ACSL6: variants seen among roughly 807,000 people sequenced by gnomAD.
The protein encoded by ACSL6 is acyl-CoA synthetase long chain family member 6.
Under a neutral mutation model 98.2 loss-of-function variants are expected in ACSL6, and 47 were observed. The ratio of observed to expected loss-of-function variants is 0.48; its 90% confidence interval spans 0.38 to 0.61. The LOEUF (loss-of-function observed/expected upper bound fraction) is 0.61, where lower values mean the gene tolerates loss of function less well. ACSL6 is among the 20% of genes least tolerant of loss of function. The pLI, the probability that ACSL6 is intolerant of heterozygous loss-of-function variation, is 0.00. For missense variants in ACSL6, 761 were observed against 913.4 expected, an observed-to-expected ratio of 0.83 and a Z score of 2.15; for synonymous variants, 362 against 336.9, an observed-to-expected ratio of 1.07 and a Z score of -0.82.
intron 15 of ACSL6, among the ~76,000 whole-genome samples, chr5:131,968,654 C>G (rs1753149328): frequency 6.6e-6 from 1 of 152,150 alleles, no homozygotes; most frequent in African/African-American, 2.4e-5. Context: ...ACTCCAAATT[C>G]TCTTGGTCAA....
chr5:131,971,101 A>G (rs1753281872), intron 14 of ACSL6, among the ~76,000 whole-genome samples: 1 of 152,256 alleles, frequency 6.6e-6, no homozygotes, highest in South Asian at 2.1e-4. Flanking sequence ...TATGAGCTGA[A>G]TGGAAAATGA....
At chr5:131,959,230 G>A (rs924786087) in intron 20 of ACSL6, among the ~76,000 whole-genome samples, 9 of 152,214 alleles carry the variant, frequency 5.9e-5, no homozygotes, top group African/African-American at 2.2e-4. Flanking sequence ...TAGGACTGTC[G>A]TCTTCGGTAA....
Position 131,985,412 on chromosome 5 carries a change from G to C in ACSL6, c.911C>G (p.Thr304Arg). ...DLSIVCFTSG[T>R]TGNPKGAMLT... ...ATCTGCGTGCCTCTGCTTACCTGTCGTGCCGCTTGTGAAACACACAATGGA... is the reference window on the plus strand; with the variant it reads ...ATCTGCGTGCCTCTGCTTACCTGTCCTGCCGCTTGTGAAACACACAATGGA... Residue 304 changes from threonine to arginine, a missense_variant, in exon 9 of 21, where the codon ACG becomes AGG. Physicochemically the swap from Thr to Arg is moderately conservative, Grantham distance 71 (BLOSUM62 -1). Transcript: ENST00000651883. 1 of 1,614,052 alleles carries C rather than the reference G, an allele frequency of 6.2e-7. No individual in the cohort carries two copies. The highest frequency in any genetic ancestry group is 8.5e-7 in the Non-Finnish European group (1 of 1,180,022).
chr5:131,956,366 T>C (rs922739038), intron 20 of ACSL6, among the ~76,000 whole-genome samples: 3 of 152,200 alleles, frequency 2.0e-5, no homozygotes, highest in African/African-American at 2.4e-5. Context: ...GAGTGGGACA[T>C]CTGCAGCTCT....
intron 20 of ACSL6, among the ~76,000 whole-genome samples, chr5:131,957,002 T>C (rs534669107): frequency 6.6e-6 from 1 of 152,334 alleles, no homozygotes; most frequent in South Asian, 2.1e-4. Context: ...CATTTAAATA[T>C]GGCATTGGAA....
chr5:131,975,150 G>T, intron 10 of ACSL6, 180 bp from the exon 11 acceptor site: 1 of 1,415,062 alleles, frequency 7.1e-7, no homozygotes, highest in Non-Finnish European at 9.2e-7. Flanking sequence ...ATGAGAGAGA[G>T]AGGGAGAGAG....
chr5:132,005,232 C>G (rs1399419463), intron 1 of ACSL6, among the ~76,000 whole-genome samples: 2 of 152,232 alleles, frequency 1.3e-5, no homozygotes, highest in Non-Finnish European at 2.9e-5. Flanking sequence ...TGCTGGAAAG[C>G]ACAGTCACGA....
intron 4 of ACSL6, among the ~76,000 whole-genome samples, 190 bp from the exon 5 acceptor site, chr5:131,989,698 C>A (rs1323955474): frequency 7.3e-6 from 1 of 136,960 alleles, no homozygotes; most frequent in Non-Finnish European, 1.5e-5. Context: ...CAGGTTCAAG[C>A]AATTCTCCTG....
At chr5:131,962,385 T>C (rs1315557206) in intron 18 of ACSL6, 150 bp downstream of exon 18, 12 of 912,136 alleles carry the variant, frequency 1.3e-5, no homozygotes, top group Non-Finnish European at 1.7e-5. Context: ...TTTAACAAAC[T>C]ATAAGTAAGA....
In ACSL6 at chr5:131,986,840, C is replaced by A; in HGVS notation, c.846G>T (p.Glu282Asp). Reference sequence around the variant, plus strand: ...CGCTTACCACAGGAGCCTGGTGATTCTCTTGGCCACAGTCCTGAAAGAAGA... The same window carrying A: ...CGCTTACCACAGGAGCCTGGTGATTATCTTGGCCACAGTCCTGAAAGAAGA... ...SMQAVEDCGQ[E>D]NHQAPVPPQP... Residue 282 changes from glutamate (E) to aspartate (D), a missense_variant, in exon 8 of 21, where the codon GAG becomes GAT. Transcript: ENST00000651883. The A allele has an allele frequency of 6.2e-7, 1 of 1,614,212 alleles. No homozygotes were observed. Among genetic ancestry groups the A allele is most frequent in the South Asian group, 1.1e-5 (1 of 91,084 alleles).
intron 20 of ACSL6, among the ~76,000 whole-genome samples, chr5:131,959,098 CAG>C (rs1463702624): frequency 6.6e-6 from 1 of 151,888 alleles, no homozygotes; most frequent in African/African-American, 2.4e-5. Flanking sequence ...CTCCTCTTTA[CAG>C]AGGGCATGCT....
intron 20 of ACSL6, 38 bp from the exon 21 acceptor site, chr5:131,954,409 A>G (rs1257982587): frequency 6.2e-7 from 1 of 1,603,146 alleles, no homozygotes; most frequent in South Asian, 1.1e-5. Flanking sequence ...TAACAGGAAT[A>G]GAACACAGTA....
Position 131,994,105 on chromosome 5 carries a change from CA to C in ACSL6, c.195del (p.Ala66ProfsTer18). ...TTTGGCCGGTGAGTGAACCAGTAGG[CA>C]AGGATGGCAGCCAGGGCACCCATAC... ...LVSMGALAAILAYWFTHRPKA... is the reference protein window; with the variant it reads ...LVSMGALAAIXAYWFTHRPKA... On this transcript the variant is annotated frameshift_variant, in exon 2 of 21. Transcript: ENST00000651883. LOFTEE classifies it high-confidence loss of function. 6.2e-7 allele frequency: 1 copy of C among 1,614,200 alleles called. No individual in the cohort carries two copies. Among genetic ancestry groups the C allele is most frequent in the Non-Finnish European group, 8.5e-7 (1 of 1,180,044 alleles).
Position 131,950,291 on chromosome 5 carries a change from G to A in ACSL6, c.*3943C>T, listed in dbSNP as rs923364751. ...CCCTTTCCATTTGGTACCAAGTTTA[G>A]AAATGCTCACATTTCAAATATTTAT... On this transcript the variant is annotated 3_prime_UTR_variant, in exon 21 of 21. Transcript: ENST00000651883. 1.5e-4 allele frequency: 30 copies of A among 204,546 alleles called. No homozygotes were observed. The highest frequency in any genetic ancestry group is 6.8e-4 in the African/African-American group (30 of 43,862). The allele number at this position is 204,546 out of a possible 1,614,324, so 12.7% of individuals were successfully genotyped here.
At chr5:131,959,869 C>G (rs1752608157) in intron 19 of ACSL6, 1 of 495,108 alleles carries the variant, frequency 2.0e-6, no homozygotes, top group African/African-American at 1.9e-5. Flanking sequence ...GGCTTTTGGT[C>G]AGCCTGGTGA....
In ACSL6 at chr5:131,994,241, G is replaced by A; in HGVS notation, c.60C>T (p.Leu20=). The A allele has an allele frequency of 6.2e-7, 1 of 1,610,366 alleles. No individual in the cohort carries two copies. Among genetic ancestry groups the A allele is most frequent in the Non-Finnish European group, 8.5e-7 (1 of 1,178,140 alleles). ...GSLWLFVEFV[L]SLLEKMQTQE... Reference sequence around the variant, plus strand: ...GTGTCTGCATCTTCTCCAGAAGTGAGAGGACAAACTCTGTTGAAAACAAGA... The same window carrying A: ...GTGTCTGCATCTTCTCCAGAAGTGAAAGGACAAACTCTGTTGAAAACAAGA... Residue 20 remains leucine, a synonymous_variant, in exon 2 of 21, where the codon CTC becomes CTT. Transcript: ENST00000651883.
intron 19 of ACSL6, 190 bp from the exon 20 acceptor site, chr5:131,959,797 T>C (rs1238408528): frequency 6.5e-6 from 4 of 617,308 alleles, no homozygotes; most frequent in Non-Finnish European, 1.1e-5. Context: ...AGTAAGTACC[T>C]GAAATGGCCA....
Position 131,967,993 on chromosome 5 carries a change from T to A in ACSL6, c.1543A>T (p.Lys515Ter). 6.2e-7 allele frequency: 1 copy of A among 1,613,902 alleles called. No homozygotes were observed. The highest frequency in any genetic ancestry group is 8.5e-7 in the Non-Finnish European group (1 of 1,179,874). The change falls in exon 16 of 21, where the codon AAG becomes TAG. Residue 515 changes from lysine (K) to a stop codon, truncating the protein, a stop_gained. Coordinates refer to ENST00000651883, the MANE Select transcript of ACSL6 (RefSeq NM_001009185.3). LOFTEE classifies it high-confidence loss of function. ...TTCAGTTCCTCAACATCAACGAGCT[T>A]GATATGATTGCAGGGAAGTGGCGCC... ...VGAPLPCNHIKLVDVEELNYW... is the reference protein window; with the variant it reads ...VGAPLPCNHI
chr5:131,955,255 G>T (rs765777200), intron 20 of ACSL6, among the ~76,000 whole-genome samples: 1 of 152,200 alleles, frequency 6.6e-6, no homozygotes, highest in Non-Finnish European at 1.5e-5. Context: ...TTTGGCTAAA[G>T]ATGTGTATCA....
Sources: allele counts gnomAD v4.1 joint callset (sites outside exome capture counted in the v4.1 genomes callset), GRCh38; gene constraint gnomAD v4.1.1; transcripts MANE v1.5; gene names NCBI Gene and HGNC (gene_info 2026-07-23, HGNC 2026-07-21).